Variants in MAP3K5 observed in about 807,000 individuals in gnomAD.
MAP3K5 encodes the protein mitogen-activated protein kinase kinase kinase 5, also known as ASK-1.
In MAP3K5, 56 loss-of-function variants were observed where a neutral mutation model predicts 158.7. The ratio of observed to expected loss-of-function variants is 0.35; its 90% CI spans 0.28 to 0.44. The LOEUF is 0.44. MAP3K5 is among the 20% of genes least tolerant of loss of function. The pLI, the probability that MAP3K5 is intolerant of heterozygous loss-of-function variation, is 1.00. For missense variants in MAP3K5, 1,294 were observed against 1,674.8 expected (o/e 0.77, Z 3.97); for synonymous variants, 579 against 601.7 (o/e 0.96, Z 0.55).
intron 3 of MAP3K5, 94 bp downstream of exon 3, chr6:136,705,016 A>C: frequency 3.2e-6 from 2 of 626,502 alleles, no homozygotes; most frequent in South Asian, 4.0e-5. Context: ...AGAGATATAA[A>C]TTAATAATTT....
Position 136,572,024 on chromosome 6 carries a change from T to C in MAP3K5, c.3518-4150A>G, listed in dbSNP as rs139945810. 9.9e-3 allele frequency among the ~76,000 whole-genome samples: 1,504 copies of C among 152,366 alleles called. 14 individuals are homozygous for C. The highest frequency in any genetic ancestry group is 0.016 in the Non-Finnish European group (1,106 of 68,030). ...GGTAGGAGTAAGTCAAAATCATGTGTTTTACTTTTGTAAACCCAGCGCTGA... is the reference window on the plus strand; with the variant it reads ...GGTAGGAGTAAGTCAAAATCATGTGCTTTACTTTTGTAAACCCAGCGCTGA... On this transcript the variant is annotated intron_variant, in intron 25 of 29. Coordinates refer to ENST00000359015, the MANE Select transcript of MAP3K5 (RefSeq NM_005923.4).
intron 1 of MAP3K5, among the ~76,000 whole-genome samples, chr6:136,771,439 T>C (rs963552651): frequency 1.3e-5 from 2 of 152,106 alleles, no homozygotes; most frequent in African/African-American, 4.8e-5. Context: ...TGCCCACCAG[T>C]GTGCCATGTC....
intron 11 of MAP3K5, among the ~76,000 whole-genome samples, chr6:136,647,058 T>C (rs926320765): frequency 6.6e-6 from 1 of 152,248 alleles, no homozygotes; most frequent in Non-Finnish European, 1.5e-5. Context: ...TTAAGTTGTA[T>C]ACTTTTCTTT....
rs774466099 is a variant in MAP3K5, at chr6:136,695,961, C to T, written c.1072G>A (p.Ala358Thr). ...HHHVKFHYAF[A>T]LNRRNLPGDR... is the part of the protein sequence containing the mutation. ...ACTTTTTCTTCTTACCTATTCAGTGCAAATGCATAATGAAACTTCACATGG... is the reference window on the plus strand; with the variant it reads ...ACTTTTTCTTCTTACCTATTCAGTGTAAATGCATAATGAAACTTCACATGG... The change falls in exon 6 of 30, where the codon GCA becomes ACA. Residue 358 changes from alanine (A) to threonine (T), a missense_variant. Physicochemically the swap from Ala to Thr is moderately conservative, Grantham distance 58. This residue lies in a region of MAP3K5 where 690 missense variants were observed against 870.5 expected (regional missense o/e 0.79). Coordinates refer to ENST00000359015, the MANE Select transcript of MAP3K5 (RefSeq NM_005923.4). 1.2e-6 allele frequency: 2 copies of T among 1,611,152 alleles called. No homozygotes were observed. The highest frequency in any genetic ancestry group is 8.5e-7 in the Non-Finnish European group (1 of 1,177,722).
chr6:136,684,049 T>C (rs571863171), intron 7 of MAP3K5, among the ~76,000 whole-genome samples: 23 of 152,080 alleles, frequency 1.5e-4, no homozygotes, highest in African/African-American at 4.1e-4. Context: ...CTGGGCCACA[T>C]AGCGAGATCC....
At chr6:136,706,198 G>A (rs939320461) in intron 2 of MAP3K5, among the ~76,000 whole-genome samples, 10 of 152,048 alleles carry the variant, frequency 6.6e-5, no homozygotes, top group Non-Finnish European at 1.5e-4. Context: ...TCCAAGAGGC[G>A]GAGGCTGCGG....
At chr6:136,600,889 T>C in intron 21 of MAP3K5, 133 bp downstream of exon 21, 1 of 774,118 alleles carries the variant, frequency 1.3e-6, no homozygotes, top group African/African-American at 1.8e-5. Flanking sequence ...ATCCTTATAG[T>C]ATCTAGTACC....
intron 26 of MAP3K5, among the ~76,000 whole-genome samples, chr6:136,563,850 A>G (rs1415806238): frequency 6.6e-6 from 1 of 152,234 alleles, no homozygotes; most frequent in East Asian, 1.9e-4. Flanking sequence ...CATAAACTAC[A>G]GCTCTTAACA....
intron 21 of MAP3K5, among the ~76,000 whole-genome samples, chr6:136,594,832 T>C (rs1404915854): frequency 3.9e-5 from 6 of 152,086 alleles, no homozygotes; most frequent in African/African-American, 9.7e-5. Context: ...GGTAAATGTA[T>C]GTGTATCTAA....
At chr6:136,590,202 A>G (rs1463023676) in intron 23 of MAP3K5, among the ~76,000 whole-genome samples, 3 of 152,164 alleles carry the variant, frequency 2.0e-5, no homozygotes, top group Non-Finnish European at 2.9e-5. Flanking sequence ...CCAGATGCAG[A>G]TGGGCCACTG....
chr6:136,646,917 A>G (rs1021321424), intron 11 of MAP3K5, among the ~76,000 whole-genome samples: 7 of 152,228 alleles, frequency 4.6e-5, no homozygotes, highest in African/African-American at 1.7e-4. Context: ...CACGTCCAAA[A>G]TGAAATTCCT....
Position 136,669,323 on chromosome 6 carries a change from A to G in MAP3K5, c.1326T>C (p.Ala442=), listed in dbSNP as rs771842067. 15 of 1,613,932 alleles carry G rather than the reference A, an allele frequency of 9.3e-6. No homozygotes were observed. The highest frequency in any genetic ancestry group is 1.3e-5 in the African/African-American group (1 of 75,050). ...CAAAGGAAGATTCAAACTGGTGTCCAGCTGCCAGGAGGAGGACCGCATAAT... is the reference window on the plus strand; with the variant it reads ...CAAAGGAAGATTCAAACTGGTGTCCGGCTGCCAGGAGGAGGACCGCATAAT... ...GINYAVLLLA[A]GHQFESSFEL... is the part of the protein sequence containing the mutation. Residue 442 remains alanine (A), a synonymous_variant, in exon 8 of 30, where the codon GCT becomes GCC. Coordinates refer to ENST00000359015, the MANE Select transcript of MAP3K5 (RefSeq NM_005923.4).
At chr6:136,691,718 T>C (rs1780395831) in intron 7 of MAP3K5, among the ~76,000 whole-genome samples, 2 of 152,204 alleles carry the variant, frequency 1.3e-5, no homozygotes, top group African/African-American at 4.8e-5. Context: ...TTTCTAATAA[T>C]CTGTTTTGAA....
intron 28 of MAP3K5, among the ~76,000 whole-genome samples, chr6:136,560,472 G>A (rs927666323): frequency 6.6e-6 from 1 of 152,018 alleles, no homozygotes; most frequent in African/African-American, 2.4e-5. Flanking sequence ...GAGTGAGATT[G>A]TGTCTCAAAA....
At chr6:136,729,173 G>C (rs1268568097) in intron 1 of MAP3K5, among the ~76,000 whole-genome samples, 1 of 152,194 alleles carries the variant, frequency 6.6e-6, no homozygotes, top group Non-Finnish European at 1.5e-5. Flanking sequence ...TCAATGCCAG[G>C]AGGACACACA....
chr6:136,722,820 G>A (rs1781802999), intron 1 of MAP3K5, among the ~76,000 whole-genome samples: 1 of 151,812 alleles, frequency 6.6e-6, no homozygotes, highest in Non-Finnish European at 1.5e-5. Flanking sequence ...CTGAGTAGCT[G>A]GGACTACAGG....
chr6:136,716,218 G>A (rs1223649715), intron 2 of MAP3K5, among the ~76,000 whole-genome samples: 1 of 151,866 alleles, frequency 6.6e-6, no homozygotes, highest in African/African-American at 2.4e-5. Context: ...CTAAGTCTTG[G>A]TGATATGCTC....
intron 7 of MAP3K5, among the ~76,000 whole-genome samples, chr6:136,685,926 G>A (rs1212770872): frequency 1.3e-5 from 2 of 152,122 alleles, no homozygotes; most frequent in Non-Finnish European, 2.9e-5. Flanking sequence ...TTCCTTCTTA[G>A]CTCCAACAGA....
intron 1 of MAP3K5, among the ~76,000 whole-genome samples, chr6:136,769,809 GAGGGGACGGGAGGGAGGGAGGGA>G (rs1233474925): frequency 2.6e-3 from 147 of 57,396 alleles, no homozygotes; most frequent in Non-Finnish European, 3.6e-3. Flanking sequence ...GGGAGGGAGG[GAGGGGACGGGAGGGAGGGAGGGA>G]AGGGAGGGAG....
Sources: allele counts gnomAD v4.1 joint callset (sites outside exome capture counted in the v4.1 genomes callset), GRCh38; gene constraint gnomAD v4.1.1; regional missense constraint gnomAD v4.1.1; transcripts MANE v1.5; gene names NCBI Gene and HGNC (gene_info 2026-07-23, HGNC 2026-07-21).